Variants in SCN3A observed in about 807,000 individuals in gnomAD.
The protein encoded by SCN3A is sodium channel protein type 3 subunit alpha.
A neutral mutation model predicts 187.6 loss-of-function variants in SCN3A; 60 were observed. The ratio of observed to expected loss-of-function variants is 0.32; its 90% CI spans 0.26 to 0.40. SCN3A has a LOEUF of 0.40. Ranked by LOEUF, SCN3A falls within the 10% of genes least tolerant of loss-of-function variation. The pLI is 1.00. For missense variants in SCN3A, 1,601 were observed against 2,428.2 expected, an observed-to-expected ratio of 0.66 and a Z score of 7.16; for synonymous variants, 788 against 829.2, an observed-to-expected ratio of 0.95 and a Z score of 0.85.
At chr2:165,095,941 A>AT (rs1450793376) in intron 24 of SCN3A, among the ~76,000 whole-genome samples, 3 of 152,202 alleles carry the variant, frequency 2.0e-5, no homozygotes, top group Admixed American at 6.5e-5. Context: ...ATTAGTCATA[A>AT]TTTTTTGCAG....
At chr2:165,185,454 C>T (rs1346147943) in intron 2 of SCN3A, among the ~76,000 whole-genome samples, 1 of 152,166 alleles carries the variant, frequency 6.6e-6, no homozygotes, top group Admixed American at 6.5e-5. Flanking sequence ...TAAAAAGTTT[C>T]TTCACTCCCA....
At chr2:165,145,221 C>T (rs1688244520) in intron 12 of SCN3A, among the ~76,000 whole-genome samples, 1 of 152,028 alleles carries the variant, frequency 6.6e-6, no homozygotes, top group Non-Finnish European at 1.5e-5. Context: ...TTTGTGTTCA[C>T]TGTAGCATCA....
intron 9 of SCN3A, among the ~76,000 whole-genome samples, chr2:165,156,512 C>CAAAAAAAAA (rs558407270): frequency 2.0e-4 from 13 of 63,702 alleles, no homozygotes; most frequent in Non-Finnish European, 2.9e-4. Flanking sequence ...GACTCTGACT[C>CAAAAAAAAA]AAAAAAAAAA....
In SCN3A at chr2:165,092,513, T is replaced by C; in HGVS notation, c.4548A>G (p.Gln1516=). The C allele has an allele frequency of 6.2e-7, 1 of 1,612,984 alleles. No homozygotes were observed. Among genetic ancestry groups the C allele is most frequent in the South Asian group, 1.1e-5 (1 of 91,064 alleles). ...KPIPRPANKF[Q]GMVFDFVTRQ... ...TGGTTACAAAATCAAAGACCATTCC[T>C]TGGAATTTGTTCTAGAAAGTGAGAG... The change falls in exon 27 of 28, where the codon CAA becomes CAG. Residue 1516 remains glutamine (Q), a synonymous_variant. Transcript: ENST00000283254. This position sits in a 1 kb window ranked among gnomAD's most constrained non-coding sequence, Gnocchi z 4.2.
Position 165,168,756 on chromosome 2 carries a change from A to G in SCN3A, c.453T>C (p.Pro151=). 6.2e-7 allele frequency: 1 copy of G among 1,610,958 alleles called. No homozygotes were observed. Among genetic ancestry groups the G allele is most frequent in the Non-Finnish European group, 8.5e-7 (1 of 1,177,368 alleles). Residue 151 remains proline, a synonymous_variant, in exon 5 of 28, where the codon CCT becomes CCC. Coordinates refer to ENST00000283254, the MANE Select transcript of SCN3A (RefSeq NM_006922.4). ...CTTACTCTACATTCTTTGTCCAGTCAGGAGGGTTGCTCAAGGTCATAAATA... is the reference window on the plus strand; with the variant it reads ...CTTACTCTACATTCTTTGTCCAGTCGGGAGGGTTGCTCAAGGTCATAAATA... ...NCVFMTLSNP[P]DWTKNVEYTF... is the part of the protein sequence containing the mutation.
At chr2:165,132,192 A>G (rs946896522) in intron 15 of SCN3A, among the ~76,000 whole-genome samples, 4 of 152,174 alleles carry the variant, frequency 2.6e-5, no homozygotes, top group Non-Finnish European at 5.9e-5. Context: ...TATCGTGAAA[A>G]TGGCCATACT....
chr2:165,090,722 A>C lies in SCN3A; in HGVS notation c.5431T>G (p.Ser1811Ala). The C allele has an allele frequency of 6.2e-7, 1 of 1,614,108 alleles. No individual in the cohort carries two copies. Among genetic ancestry groups the C allele is most frequent in the African/African-American group, 1.3e-5 (1 of 75,034 alleles). The change falls in exon 28 of 28, where the codon TCT (serine) becomes GCT (alanine). Residue 1811 changes from serine (S) to alanine (A), a missense_variant. Ser to Ala is a moderately conservative substitution (Grantham distance 99, BLOSUM62 1). Around this residue, in one of 11 missense-constraint regions of SCN3A, gnomAD observed 110 missense variants for 175.9 expected, o/e 0.63. Transcript: ENST00000283254. The surrounding 1 kb of genome is among the most constrained non-coding windows in gnomAD (Gnocchi z 4.0). ...GCAGCTGCAAAATCAGAGAGTTTAG[A>C]GAACTCTATAAACTGGGTCGCATCG... ...DPDATQFIEFSKLSDFAAALD... is the reference protein window; with the variant it reads ...DPDATQFIEFAKLSDFAAALD...
intron 11 of SCN3A, among the ~76,000 whole-genome samples, chr2:165,152,277 C>A (rs1688730922): frequency 6.6e-6 from 1 of 152,044 alleles, no homozygotes; most frequent in African/African-American, 2.4e-5. Flanking sequence ...GTTGTTATAA[C>A]TGTATTGTGT....
chr2:165,142,419 A>T (rs912088200), intron 12 of SCN3A, among the ~76,000 whole-genome samples: 3 of 152,094 alleles, frequency 2.0e-5, no homozygotes, highest in Admixed American at 1.3e-4. Flanking sequence ...TGTCTCAGTG[A>T]TATTCTGGAA....
intron 6 of SCN3A, 103 bp downstream of exon 6, chr2:165,164,289 G>T: frequency 6.9e-7 from 1 of 1,449,014 alleles, no homozygotes; most frequent in South Asian, 1.2e-5. Context: ...TAGTTAACTT[G>T]ACTAACAAGA....
At chr2:165,176,639 A>C (rs960197358) in intron 2 of SCN3A, among the ~76,000 whole-genome samples, 195 bp from the exon 3 acceptor site, 1 of 152,190 alleles carries the variant, frequency 6.6e-6, no homozygotes, top group Admixed American at 6.5e-5. Flanking sequence ...TCATAAATCT[A>C]TCAAAAGTCT....
intron 12 of SCN3A, among the ~76,000 whole-genome samples, chr2:165,145,240 T>C (rs1688245160): frequency 1.3e-5 from 2 of 152,130 alleles, no homozygotes; most frequent in African/African-American, 2.4e-5. Flanking sequence ...CATTATGCTA[T>C]AGTTTCATAT....
rs1685052920 is a variant in SCN3A at position 165,090,713 on chromosome 2, A to G, written c.5440T>C (p.Ser1814Pro). The change falls in exon 28 of 28, where the codon TCT becomes CCT. Residue 1814 changes from serine to proline, a missense_variant. Coordinates refer to ENST00000283254, the MANE Select transcript of SCN3A (RefSeq NM_006922.4). The surrounding 1 kb of genome is among the most constrained non-coding windows in gnomAD (Gnocchi z 4.0). ...ATQFIEFSKLSDFAAALDPPL... is the reference protein window; with the variant it reads ...ATQFIEFSKLPDFAAALDPPL... ...GGATCCAGGGCAGCTGCAAAATCAG[A>G]GAGTTTAGAGAACTCTATAAACTGG... 1 of 1,613,964 alleles carries G rather than the reference A, an allele frequency of 6.2e-7. No homozygotes were observed. Among genetic ancestry groups the G allele is most frequent in the South Asian group, 1.1e-5 (1 of 91,082 alleles).
intron 9 of SCN3A, among the ~76,000 whole-genome samples, chr2:165,159,667 C>CTTT (rs777974249): frequency 8.7e-6 from 1 of 115,282 alleles, no homozygotes; most frequent in African/African-American, 3.6e-5. Context: ...TAGCCCCAGT[C>CTTT]TTTTTTTTTT....
intron 7 of SCN3A, among the ~76,000 whole-genome samples, chr2:165,163,247 C>A (rs899861554): frequency 6.6e-5 from 10 of 152,040 alleles, no homozygotes; most frequent in Non-Finnish European, 1.2e-4. Flanking sequence ...CATATACATG[C>A]TCTTCAACAA....
At chr2:165,130,507 A>T (rs1687248702) in intron 16 of SCN3A, 1 of 578,466 alleles carries the variant, frequency 1.7e-6, no homozygotes, top group Non-Finnish European at 3.0e-6. Flanking sequence ...AAAAATAAAA[A>T]TAAAACATTT....
intron 18 of SCN3A, among the ~76,000 whole-genome samples, chr2:165,120,866 G>T (rs1250851894): frequency 6.8e-6 from 1 of 148,102 alleles, no homozygotes; most frequent in Non-Finnish European, 1.5e-5. Context: ...CATCTGGTTT[G>T]CCTGGACATA....
In SCN3A at chr2:165,178,872, C is replaced by T. The variant is rs543490857; in HGVS notation, c.-50-2428G>A. Among the ~76,000 whole-genome samples, 12 of 152,236 alleles carry T rather than the reference C, an allele frequency of 7.9e-5. No homozygotes were observed. The South Asian group carries it at 1.5e-3, about 18-fold the overall frequency. ...AAATAAAACTAATGTTTTTAGCCATCTTATGTCAATTTTGATGATCACATC... is the reference window on the plus strand; with the variant it reads ...AAATAAAACTAATGTTTTTAGCCATTTTATGTCAATTTTGATGATCACATC... On this transcript the variant is annotated intron_variant, in intron 2 of 27. Coordinates refer to ENST00000283254, the MANE Select transcript of SCN3A (RefSeq NM_006922.4).
chr2:165,120,335 C>T (rs1249605961), intron 18 of SCN3A, among the ~76,000 whole-genome samples: 1 of 151,878 alleles, frequency 6.6e-6, no homozygotes, highest in African/African-American at 2.4e-5. Flanking sequence ...CGAGACCATT[C>T]CCCGCCGCCC....
Sources: gnomAD v4.1 joint callset for allele counts (sites outside exome capture counted in the v4.1 genomes callset) on GRCh38, gnomAD v4.1.1 for gene constraint, gnomAD v4.1.1 regional missense constraint, Gnocchi (gnomAD v3.1) non-coding constraint, MANE v1.5 for transcripts, NCBI Gene and HGNC (gene_info 2026-07-23, HGNC 2026-07-21) for gene names.